Variants in PTRH1 observed in about 807,000 individuals in gnomAD.
PTRH1 encodes the protein peptidyl-tRNA hydrolase 1 homolog.
A neutral mutation model predicts 15.7 loss-of-function variants in PTRH1; 13 were observed. That is an observed-to-expected ratio of 0.83 (90% CI 0.54 to 1.31). PTRH1 has a LOEUF of 1.31. Among genes scored for constraint, PTRH1 ranks in the 40% most tolerant of loss-of-function variants. PTRH1 has a pLI of 0.00. For synonymous variants in PTRH1, 139 were observed against 136.7 expected (o/e 1.02, Z -0.12); for missense variants, 319 against 296.2 (o/e 1.08, Z -0.56).
downstream of PTRH1, chr9:127,713,017 C>A: frequency 6.2e-7 from 1 of 1,612,476 alleles, no homozygotes; most frequent in East Asian, 2.2e-5. Context: ...CCCCTCCCCA[C>A]AGCCGGCCCA....
intron 1 of PTRH1, among the ~76,000 whole-genome samples, chr9:127,702,630 G>C (rs1351542425): frequency 6.6e-6 from 1 of 152,090 alleles, no homozygotes; most frequent in Non-Finnish European, 1.5e-5. Context: ...CATTTGTTGC[G>C]AACTCATCAG....
At chr9:127,706,847 G>T (rs998667626) in intron 1 of PTRH1, 2 of 628,430 alleles carry the variant, frequency 3.2e-6, no homozygotes, top group African/African-American at 3.7e-5. Flanking sequence ...TGGGACTCCT[G>T]GGCCTGGGGC....
At chr9:127,712,027 C>A, downstream of PTRH1, 1 of 1,529,440 alleles carries the variant, frequency 6.5e-7, no homozygotes, top group Non-Finnish European at 8.8e-7. Flanking sequence ...TCCGATCCCA[C>A]GACCCAGGCC....
chr9:127,715,340 G>T lies in PTRH1; in HGVS notation c.97-146C>A. The T allele has an allele frequency of 8.1e-7, 1 of 1,237,286 alleles. No individual in the cohort carries two copies. The highest frequency in any genetic ancestry group is 1.3e-5 in the South Asian group (1 of 78,006). The allele number at this position is 1,237,286 out of a possible 1,614,324, so 76.6% of individuals were successfully genotyped here. ...GCGCGAAGAAGGGGCCCAGAAACCC[G>T]ACCCCTGAGAACTCCAGAAGGCTGG... On this transcript the variant is annotated intron_variant, in intron 1 of 4. Transcript: ENST00000543175. The surrounding 1 kb of genome is among the most constrained non-coding windows in gnomAD (Gnocchi z 5.8).
rs754601933 is a variant in PTRH1, at chr9:127,715,447, C to T, written c.96+97G>A. ...GCACTGAACTCACCAGTTAAGAAAACAGAGCAGCAATTTGGGGGCACTCGG... is the reference window on the plus strand; with the variant it reads ...GCACTGAACTCACCAGTTAAGAAAATAGAGCAGCAATTTGGGGGCACTCGG... On this transcript the variant is annotated intron_variant, in intron 1 of 4. Coordinates refer to ENST00000543175, the MANE Select transcript of PTRH1 (RefSeq NM_001002913.3). The surrounding 1 kb of genome is among the most constrained non-coding windows in gnomAD (Gnocchi z 5.8). 44 of 1,543,046 alleles carry T rather than the reference C, an allele frequency of 2.9e-5. No homozygotes were observed. The South Asian group carries it at 5.0e-4, about 18-fold the overall frequency.
At chr9:127,702,393 C>G (rs1031080726) in intron 1 of PTRH1, among the ~76,000 whole-genome samples, 4 of 149,518 alleles carry the variant, frequency 2.7e-5, no homozygotes, top group South Asian at 4.2e-4. Flanking sequence ...AAAAAAAAGC[C>G]GGAGGTGGTG....
In PTRH1 at chr9:127,715,072, G is replaced by T. The variant is rs1305895482; in HGVS notation, c.219C>A (p.Ala73=). ...AESWTRDRHC[A]ADLALAPLGD... is the part of the protein sequence containing the mutation. ...CCAGCGGGGCCAGGGCGAGGTCGGC[G>T]GCACAGTGCCGGTCGCGCGTCCAAC... Residue 73 remains alanine (A), a synonymous_variant, in exon 2 of 5, where the codon GCC becomes GCA. Transcript: ENST00000543175. This position sits in a 1 kb window ranked among gnomAD's most constrained non-coding sequence, Gnocchi z 5.8. 9.2e-6 allele frequency: 14 copies of T among 1,528,826 alleles called. No individual in the cohort carries two copies. Among genetic ancestry groups the T allele is most frequent in the African/African-American group, 1.4e-5 (1 of 72,590 alleles). The allele number at this position is 1,528,826 out of a possible 1,614,324, so 94.7% of individuals were successfully genotyped here. A position where few individuals can be genotyped will look rare whatever the true frequency, so the allele number is the denominator to read the frequency against.
At chr9:127,710,580 C>T, downstream of PTRH1, 3 of 1,567,864 alleles carry the variant, frequency 1.9e-6, no homozygotes, top group Non-Finnish European at 2.6e-6. Context: ...ATCATTGGGC[C>T]TTGTGCGCTG....
chr9:127,712,071 C>T, downstream of PTRH1: 1 of 1,500,070 alleles, frequency 6.7e-7, no homozygotes, highest in Non-Finnish European at 9.0e-7. Context: ...GCCTGCCAGA[C>T]AGGCTGAGGC....
intron 1 of PTRH1, among the ~76,000 whole-genome samples, chr9:127,702,869 G>A (rs1842614222): frequency 6.7e-6 from 1 of 150,304 alleles, no homozygotes; most frequent in Admixed American, 6.6e-5. Context: ...GTGCCACCAC[G>A]CCTGGCTAAT....
intron 1 of PTRH1, among the ~76,000 whole-genome samples, chr9:127,703,811 G>A (rs1842621999): frequency 6.6e-6 from 1 of 152,220 alleles, no homozygotes; most frequent in Non-Finnish European, 1.5e-5. Flanking sequence ...GAGCTAGCTG[G>A]AGTTGGGCCG....
intron 1 of PTRH1, among the ~76,000 whole-genome samples, chr9:127,702,756 G>T (rs1369495145): frequency 3.3e-5 from 5 of 151,612 alleles, no homozygotes. Context: ...CTGTCGTCCA[G>T]GCTGGAGTGC....
chr9:127,713,138 C>A (rs772645395), downstream of PTRH1: 12 of 1,609,930 alleles, frequency 7.5e-6, no homozygotes, highest in Non-Finnish European at 1.0e-5. Flanking sequence ...CCCACCCAAC[C>A]CCCAGGACCT....
intron 1 of PTRH1, chr9:127,706,854 G>A: frequency 1.5e-6 from 1 of 671,258 alleles, no homozygotes; most frequent in South Asian, 2.3e-5. Context: ...CCTGGGCCTG[G>A]GGCCTCACTG....
chr9:127,695,014 T>G (rs1180381934), exon 2 of PTRH1: 5 of 702,740 alleles, frequency 7.1e-6, no homozygotes. Context: ...GGCGGGAAGC[T>G]GAGCCCGGCT....
At chr9:127,697,901 A>G (rs968513791) in intron 1 of PTRH1, among the ~76,000 whole-genome samples, 1 of 152,208 alleles carries the variant, frequency 6.6e-6, no homozygotes, top group African/African-American at 2.4e-5. Context: ...TGCTCGGATG[A>G]CACCAAAAGC....
intron 1 of PTRH1, among the ~76,000 whole-genome samples, chr9:127,698,266 G>A (rs531279668): frequency 4.6e-5 from 7 of 152,178 alleles, no homozygotes; most frequent in East Asian, 3.9e-4. Flanking sequence ...AGAAAAAATG[G>A]GCAAAGGATT....
intron 3 of PTRH1, 60 bp from the exon 4 acceptor site, chr9:127,714,484 C>T: frequency 6.2e-7 from 1 of 1,608,652 alleles, no homozygotes. Context: ...TTCCACCCCT[C>T]CCTGCCCCGG....
At chr9:127,706,597 G>A (rs981638889) in intron 1 of PTRH1, among the ~76,000 whole-genome samples, 3 of 152,136 alleles carry the variant, frequency 2.0e-5, no homozygotes, top group East Asian at 3.9e-4. Flanking sequence ...TCAGCTGGAC[G>A]CCCCAATGCA....
Sources: gnomAD v4.1 joint callset for allele counts (sites outside exome capture counted in the v4.1 genomes callset) on GRCh38, gnomAD v4.1.1 for gene constraint, Gnocchi (gnomAD v3.1) non-coding constraint, MANE v1.5 for transcripts, NCBI Gene and HGNC (gene_info 2026-07-23, HGNC 2026-07-21) for gene names.